The following ARID5B variants were observed in gnomAD, a reference collection of about 807,000 sequenced individuals.
ARID5B encodes the protein AT-rich interaction domain 5B.
In ARID5B, 13 loss-of-function variants were observed where a neutral mutation model predicts 97.2. That is an observed-to-expected ratio of 0.13 (90% CI 0.09 to 0.21). The LOEUF (loss-of-function observed/expected upper bound fraction) is 0.21. ARID5B is among the 10% of genes least tolerant of loss of function. The pLI, the probability that ARID5B is intolerant of heterozygous loss-of-function variation, is 1.00. For missense variants in ARID5B, 1,210 were observed against 1,465.3 expected, an observed-to-expected ratio of 0.83 and a Z score of 2.84; for synonymous variants, 556 against 570.3, an observed-to-expected ratio of 0.97 and a Z score of 0.36.
chr10:61,986,477 G>A (rs914137353), intron 3 of ARID5B, among the ~76,000 whole-genome samples: 2 of 152,172 alleles, frequency 1.3e-5, no homozygotes, highest in Admixed American at 1.3e-4. Context: ...ATTCGGGTGT[G>A]TTATGTCCCC....
At chr10:61,904,432 C>T (rs1843673901) in intron 2 of ARID5B, among the ~76,000 whole-genome samples, 1 of 152,094 alleles carries the variant, frequency 6.6e-6, no homozygotes, top group African/African-American at 2.4e-5. Context: ...GAAGTGTTGA[C>T]AGTGAATAGA....
At chr10:62,064,743 T>C (rs1839964046) in intron 7 of ARID5B, among the ~76,000 whole-genome samples, 1 of 119,540 alleles carries the variant, frequency 8.4e-6, no homozygotes, top group African/African-American at 2.6e-5. Context: ...CTAAAGACAA[T>C]TTATTTTTTT....
intron 2 of ARID5B, among the ~76,000 whole-genome samples, chr10:61,928,355 C>A (rs551695838): frequency 6.6e-6 from 1 of 152,164 alleles, no homozygotes; most frequent in South Asian, 2.1e-4. Flanking sequence ...GGCTGGAGTG[C>A]AGTAGCACAA....
chr10:62,095,721 G>C lies in ARID5B; in HGVS notation c.*2691G>C, dbSNP rs1328401974. ...AAGACCATTGAATTCTTCATTGGCT[G>C]AGAACGACGTTTTAAAATGTCTTAA... On this transcript the variant is annotated 3_prime_UTR_variant, in exon 10 of 10. Coordinates refer to ENST00000279873, the MANE Select transcript of ARID5B (RefSeq NM_032199.3). 4.3e-6 allele frequency: 1 copy of C among 232,312 alleles called. No homozygotes were observed. The highest frequency in any genetic ancestry group is 6.1e-5 in the East Asian group (1 of 16,400). The allele number at this position is 232,312 out of a possible 1,614,324, so 14.4% of individuals were successfully genotyped here.
intron 2 of ARID5B, among the ~76,000 whole-genome samples, chr10:61,909,734 C>T (rs1408063158): frequency 1.3e-5 from 2 of 152,154 alleles, no homozygotes; most frequent in African/African-American, 2.4e-5. Flanking sequence ...TGACCAGTGA[C>T]CAGTCATTCA....
intron 2 of ARID5B, among the ~76,000 whole-genome samples, chr10:61,904,070 C>T (rs1407346461): frequency 2.5e-5 from 3 of 121,744 alleles, no homozygotes; most frequent in Non-Finnish European, 5.2e-5. Context: ...ACCCAACTTT[C>T]CTGCGCAGCT....
intron 4 of ARID5B, chr10:62,049,126 T>C (rs1839750584): frequency 8.7e-7 from 1 of 1,153,588 alleles, no homozygotes. Flanking sequence ...CGTGGCATCG[T>C]GCTCTGACAA....
At chr10:62,045,681 C>G (rs1017920114) in intron 4 of ARID5B, among the ~76,000 whole-genome samples, 1 of 152,040 alleles carries the variant, frequency 6.6e-6, no homozygotes, top group Non-Finnish European at 1.5e-5. Flanking sequence ...GAACTCCTGA[C>G]CACGTGATCC....
At chr10:62,051,924 A>G (rs79903551) in intron 5 of ARID5B, among the ~76,000 whole-genome samples, 3 of 147,858 alleles carry the variant, frequency 2.0e-5, no homozygotes, top group South Asian at 2.1e-4. Context: ...TCTGATGTAG[A>G]AAAAAAAAAA....
Position 62,092,479 on chromosome 10 carries a change from A to G in ARID5B, c.3016A>G (p.Ile1006Val). Residue 1006 changes from isoleucine to valine, a missense_variant, in exon 10 of 10, where the codon ATT becomes GTT. Ile to Val is a conservative substitution (Grantham distance 29). This residue lies in a region of ARID5B where 800 missense variants were observed against 839.1 expected (regional missense o/e 0.95). Transcript: ENST00000279873. ...GCACCGGAAAATGAGCCCGCAGAAC[A>G]TTGGGGCGGCGCGGCCGATCAAGCG... The part of the protein sequence containing the change: ...ILHRKMSPQN[I>V]GAARPIKRSL... The G allele has an allele frequency of 9.3e-6, 15 of 1,614,156 alleles. No individual in the cohort carries two copies. The highest frequency in any genetic ancestry group is 1.3e-5 in the Non-Finnish European group (15 of 1,180,004).
chr10:62,029,756 T>TAAA, intron 4 of ARID5B, among the ~76,000 whole-genome samples: 1 of 152,206 alleles, frequency 6.6e-6, no homozygotes, highest in Non-Finnish European at 1.5e-5. Flanking sequence ...TGCCCTTATT[T>TAAA]AGTTCAGATT....
intron 5 of ARID5B, chr10:62,051,246 T>G: frequency 1.7e-6 from 1 of 584,288 alleles, no homozygotes; most frequent in Non-Finnish European, 3.1e-6. Flanking sequence ...CAGTTTGGCC[T>G]GTTATGAGTA....
chr10:61,943,344 A>G (rs1178987309), intron 3 of ARID5B, among the ~76,000 whole-genome samples: 1 of 152,032 alleles, frequency 6.6e-6, no homozygotes, highest in Non-Finnish European at 1.5e-5. Flanking sequence ...GTCACACTGA[A>G]ACCACCTCCA....
chr10:61,908,659 G>C (rs1205354967), intron 2 of ARID5B, among the ~76,000 whole-genome samples: 1 of 151,956 alleles, frequency 6.6e-6, no homozygotes, highest in Non-Finnish European at 1.5e-5. Context: ...AATTAGCTGG[G>C]CGTGGTGGTG....
chr10:62,061,914 G>C (rs752224448), intron 7 of ARID5B, among the ~76,000 whole-genome samples: 1 of 152,128 alleles, frequency 6.6e-6, no homozygotes, highest in Non-Finnish European at 1.5e-5. Flanking sequence ...ATCTGGTCAT[G>C]AACAGAATTT....
intron 7 of ARID5B, among the ~76,000 whole-genome samples, chr10:62,059,842 T>C (rs1839900390): frequency 6.6e-6 from 1 of 152,172 alleles, no homozygotes; most frequent in South Asian, 2.1e-4. Flanking sequence ...TAATTCTAAC[T>C]GACAGCAATG....
Position 61,931,489 on chromosome 10 carries a change from G to C in ARID5B, c.277-8694G>C, listed in dbSNP as rs575130727. On this transcript the variant is annotated intron_variant, in intron 2 of 9. Transcript: ENST00000279873. The stretch of plus-strand genomic sequence containing the variant: ...TAATGGCAAGCCACAATCCATAAAA[G>C]AAAAAAAATCTAACTGGACTTAATC... Among the ~76,000 whole-genome samples, 277 of 151,860 alleles carry C rather than the reference G, an allele frequency of 1.8e-3. 3 individuals are homozygous for C. Among genetic ancestry groups the C allele is most frequent in the African/African-American group, 6.6e-3 (272 of 41,428 alleles).
intron 2 of ARID5B, among the ~76,000 whole-genome samples, chr10:61,932,771 C>T (rs1451932530): frequency 2.0e-5 from 3 of 152,148 alleles, no homozygotes; most frequent in Non-Finnish European, 4.4e-5. Context: ...TCAAACCCTG[C>T]CACTGCCTTT....
intron 4 of ARID5B, among the ~76,000 whole-genome samples, chr10:62,042,186 A>C (rs1839646369): frequency 6.6e-6 from 1 of 152,256 alleles, no homozygotes; most frequent in Admixed American, 6.5e-5. Context: ...ATCTGTATTT[A>C]TAGAAGAGTT....
Sources: gnomAD v4.1 joint callset for allele counts (sites outside exome capture counted in the v4.1 genomes callset) on GRCh38, gnomAD v4.1.1 for gene constraint, gnomAD v4.1.1 regional missense constraint, MANE v1.5 for transcripts, NCBI Gene and HGNC (gene_info 2026-07-23, HGNC 2026-07-21) for gene names.